Variants in BPI observed in about 807,000 individuals in gnomAD.
BPI encodes bactericidal permeability-increasing protein.
BPI carries 48 observed loss-of-function variants against 57.6 expected under a neutral mutation model. The ratio of observed to expected loss-of-function variants is 0.83; its 90% confidence interval spans 0.66 to 1.06. The LOEUF (loss-of-function observed/expected upper bound fraction) is 1.06. BPI is among the 50% of genes least tolerant of loss of function. The pLI, the probability that BPI is intolerant of heterozygous loss-of-function variation, is 0.00. For synonymous variants in BPI, 237 were observed against 238.2 expected, an observed-to-expected ratio of 0.99 and a Z score of 0.05; for missense variants, 651 against 609.7, an observed-to-expected ratio of 1.07 and a Z score of -0.71.
intron 12 of BPI, among the ~76,000 whole-genome samples, chr20:38,333,513 A>T (rs1446065359): frequency 1.3e-5 from 2 of 152,294 alleles, no homozygotes; most frequent in African/African-American, 4.8e-5. Context: ...AAAACCATGC[A>T]TATTTTCATC....
At chr20:38,307,813 T>A in intron 2 of BPI, 132 bp downstream of exon 2, 2 of 763,194 alleles carry the variant, frequency 2.6e-6, no homozygotes, top group Non-Finnish European at 2.0e-6. Flanking sequence ...ATTTACATCA[T>A]CCCAAGGGGA....
intron 5 of BPI, among the ~76,000 whole-genome samples, chr20:38,314,646 A>G (rs1254809482): frequency 7.7e-6 from 1 of 130,234 alleles, no homozygotes; most frequent in Non-Finnish European, 1.6e-5. Context: ...GGTGATGGTG[A>G]TGGTGGGGAT....
In BPI at chr20:38,327,708, G is replaced by A. The variant is rs183212486; in HGVS notation, c.1229+53G>A. 1,503 of 1,586,544 alleles carry A rather than the reference G, an allele frequency of 9.5e-4. 11 individuals carry two copies. The African/African-American group carries it at 0.018, about 19-fold the overall frequency. On this transcript the variant is annotated intron_variant, in intron 11 of 14. Transcript: ENST00000642449. ...GGCTGCCCCTCTGTCCTTGGTGTCTGTGGGATGACAGTGGTCCTGTGATAT... is the reference window on the plus strand; with the variant it reads ...GGCTGCCCCTCTGTCCTTGGTGTCTATGGGATGACAGTGGTCCTGTGATAT...
rs2076693922 is a variant in BPI, at chr20:38,322,945, A to G, written c.757-925A>G. On this transcript the variant is annotated intron_variant, in intron 7 of 14. Coordinates refer to ENST00000642449, the MANE Select transcript of BPI (RefSeq NM_001725.3). The stretch of plus-strand genomic sequence containing the variant: ...TATTAAGAGTTGCATGTATTCCATA[A>G]TATGGAGGTTATGTTTGTTAATTTT... 2.6e-5 allele frequency among the ~76,000 whole-genome samples: 4 copies of G among 152,316 alleles called. No homozygotes were observed. The South Asian group carries it at 8.3e-4, about 32-fold the overall frequency.
At chr20:38,307,437 C>A in intron 1 of BPI, 130 bp from the exon 2 acceptor site, 1 of 625,952 alleles carries the variant, frequency 1.6e-6, no homozygotes, top group East Asian at 3.0e-5. Flanking sequence ...TTAATTGATC[C>A]CTGTTTTTGA....
At chr20:38,334,561 G>A (rs2076757927) in intron 13 of BPI, 68 bp downstream of exon 13, 2 of 1,488,900 alleles carry the variant, frequency 1.3e-6, no homozygotes, top group African/African-American at 2.8e-5. Context: ...ATTACCCACA[G>A]CCACCTGTTA....
rs537638381 is a variant in BPI at position 38,324,611 on chromosome 20, C to T, written c.934-163C>T. 3.9e-5 allele frequency among the ~76,000 whole-genome samples: 6 copies of T among 152,272 alleles called. No homozygotes were observed. The South Asian group carries it at 6.2e-4, about 16-fold the overall frequency. On this transcript the variant is annotated intron_variant, in intron 8 of 14. Coordinates refer to ENST00000642449, the MANE Select transcript of BPI (RefSeq NM_001725.3). The stretch of plus-strand genomic sequence containing the variant: ...GCTGCAGAAGGTGTGGTTTGGCTTC[C>T]AGGCTGGTTGCTGCAGAATTTGTGG...
At chr20:38,319,316 AAGC>A (rs1406228049) in intron 6 of BPI, among the ~76,000 whole-genome samples, 2 of 152,346 alleles carry the variant, frequency 1.3e-5, no homozygotes, top group African/African-American at 4.8e-5. Context: ...CAGAGTCATG[AAGC>A]CATCAAGAGG....
chr20:38,317,867 G>A (rs1273215213), intron 5 of BPI: 2 of 1,475,542 alleles, frequency 1.4e-6, no homozygotes, highest in East Asian at 2.5e-5. Flanking sequence ...TCCATTGTGA[G>A]TCATGGGCTA....
chr20:38,331,998 G>A (rs2076745170), intron 12 of BPI, among the ~76,000 whole-genome samples: 7 of 152,214 alleles, frequency 4.6e-5, no homozygotes, highest in Admixed American at 4.6e-4. Flanking sequence ...TTGGACTGAA[G>A]GAGGAGAAGG....
chr20:38,306,667 GC>G (rs1383687762), intron 1 of BPI, among the ~76,000 whole-genome samples: 1 of 152,200 alleles, frequency 6.6e-6, no homozygotes, highest in Non-Finnish European at 1.5e-5. Flanking sequence ...AATAGCATGT[GC>G]AAAGGCCCTG....
chr20:38,304,245 G>A lies in BPI; in HGVS notation c.22G>A (p.Ala8Thr), dbSNP rs5743497. The change falls in exon 1 of 15, where the codon GCG becomes ACG. Residue 8 changes from alanine to threonine, a missense_variant. By Grantham distance (58) the Ala-to-Thr change is moderately conservative (BLOSUM62 0). Transcript: ENST00000642449. ...GAACATGGCCAGGGGCCCTTGCAAC[G>A]CGCCGAGATGGGCGTCCCTGATGGT... MARGPCN[A>T]PRWASLMVLV... The A allele has an allele frequency of 7.6e-3, 12,274 of 1,614,112 alleles. 69 individuals are homozygous for A. Among genetic ancestry groups the A allele is most frequent in the South Asian group, 0.01 (929 of 91,080 alleles).
At position 38,324,829 on chromosome 20, in the gene BPI, C is replaced by G; in HGVS notation, c.989C>G (p.Pro330Arg). The change falls in exon 9 of 15, where the codon CCT becomes CGT. Residue 330 changes from proline to arginine, a missense_variant. Transcript: ENST00000642449. ...LTTKFFGTFL[P>R]EVAKKFPNMK... ...ACCAAGTTCTTTGGAACCTTCCTACCTGAGGTATGGAAGACCTTGCTTTCC... is the reference window on the plus strand; with the variant it reads ...ACCAAGTTCTTTGGAACCTTCCTACGTGAGGTATGGAAGACCTTGCTTTCC... 1 of 1,611,908 alleles carries G rather than the reference C, an allele frequency of 6.2e-7. No homozygotes were observed. The highest frequency in any genetic ancestry group is 1.7e-5 in the Admixed American group (1 of 60,000).
chr20:38,323,766 G>C, intron 7 of BPI, 104 bp from the exon 8 acceptor site: 1 of 1,288,480 alleles, frequency 7.8e-7, no homozygotes, highest in South Asian at 1.5e-5. Flanking sequence ...TTTTTCCTTT[G>C]CAAGTGTACA....
At chr20:38,333,330 A>T (rs1048621185) in intron 12 of BPI, among the ~76,000 whole-genome samples, 1 of 152,028 alleles carries the variant, frequency 6.6e-6, no homozygotes, top group African/African-American at 2.4e-5. Context: ...AGGAAAAGAG[A>T]CTCAGTTGTT....
chr20:38,307,039 T>G (rs751110277), intron 1 of BPI, among the ~76,000 whole-genome samples: 2 of 151,624 alleles, frequency 1.3e-5, no homozygotes, highest in Admixed American at 1.3e-4. Flanking sequence ...TAAAAAAAAA[T>G]TTTTAAAAAG....
intron 11 of BPI, among the ~76,000 whole-genome samples, chr20:38,329,271 C>T (rs1600712337): frequency 6.6e-6 from 1 of 152,106 alleles, no homozygotes; most frequent in South Asian, 2.1e-4. Flanking sequence ...TGGCCCCCCG[C>T]AGTTAGACCT....
At chr20:38,329,538 C>T (rs2076731961) in intron 11 of BPI, among the ~76,000 whole-genome samples, 1 of 152,168 alleles carries the variant, frequency 6.6e-6, no homozygotes, top group South Asian at 2.1e-4. Context: ...TGGGTGTGGG[C>T]TGAGCACAGG....
Position 38,328,467 on chromosome 20 carries a change from T to C in BPI, c.1229+812T>C, listed in dbSNP as rs139140561. Reference sequence around the variant, plus strand: ...GGAGAGGCTGAGGCAGGGGAATGGCTTGAACCTGGGAGGTGGAGGTTGCAG... The same window carrying C: ...GGAGAGGCTGAGGCAGGGGAATGGCCTGAACCTGGGAGGTGGAGGTTGCAG... On this transcript the variant is annotated intron_variant, in intron 11 of 14. Coordinates refer to ENST00000642449, the MANE Select transcript of BPI (RefSeq NM_001725.3). Among the ~76,000 whole-genome samples the C allele has an allele frequency of 2.4e-3, 361 of 152,102 alleles. 4 individuals are homozygous for C. Among genetic ancestry groups the C allele is most frequent in the African/African-American group, 8.3e-3 (343 of 41,480 alleles).
Sources: gnomAD v4.1 joint callset for allele counts (sites outside exome capture counted in the v4.1 genomes callset) on GRCh38, gnomAD v4.1.1 for gene constraint, MANE v1.5 for transcripts, NCBI Gene and HGNC (gene_info 2026-07-23, HGNC 2026-07-21) for gene names.